The following ADAMTS16 variants were observed in gnomAD, a reference collection of about 807,000 sequenced individuals.
ADAMTS16 encodes A disintegrin and metalloproteinase with thrombospondin motifs 16.
ADAMTS16 carries 94 observed loss-of-function variants against 145.8 expected under a neutral mutation model. That is an observed-to-expected ratio of 0.64 (90% confidence interval 0.55 to 0.77). ADAMTS16 has a LOEUF of 0.77. Among genes scored for constraint, ADAMTS16 ranks in the 30% least tolerant of loss-of-function variants. The pLI is 0.00. For missense variants in ADAMTS16, 1,585 were observed against 1,591.5 expected (o/e 1.00, Z 0.07); for synonymous variants, 659 against 604.3 (o/e 1.09, Z -1.33).
intron 18 of ADAMTS16, among the ~76,000 whole-genome samples, chr5:5,300,935 T>C (rs1260640475): frequency 1.3e-5 from 2 of 152,254 alleles, no homozygotes; most frequent in Non-Finnish European, 2.9e-5. Context: ...TTTTTGATTG[T>C]ATTTTCTTAC....
intron 3 of ADAMTS16, among the ~76,000 whole-genome samples, chr5:5,172,638 T>C (rs1735072367): frequency 6.6e-6 from 1 of 152,188 alleles, no homozygotes; most frequent in Non-Finnish European, 1.5e-5. Flanking sequence ...TAAAATTTTT[T>C]AAGACTTTTT....
intron 13 of ADAMTS16, 21 bp from the exon 14 acceptor site, chr5:5,236,946 TTG>T (rs752148615): frequency 2.5e-6 from 4 of 1,596,482 alleles, no homozygotes; most frequent in East Asian, 4.5e-5. Context: ...TTATTTGTGT[TTG>T]TGTGTGTATT....
chr5:5,215,227 C>A (rs1306404571), intron 10 of ADAMTS16, among the ~76,000 whole-genome samples: 2 of 152,076 alleles, frequency 1.3e-5, no homozygotes, highest in African/African-American at 2.4e-5. Context: ...ATGACAATGG[C>A]TTTTTCTGTC....
chr5:5,180,202 G>A (rs1200570397), intron 3 of ADAMTS16, among the ~76,000 whole-genome samples: 1 of 152,048 alleles, frequency 6.6e-6, no homozygotes. Context: ...CAGCAGCTGA[G>A]AATACCTAGT....
intron 18 of ADAMTS16, among the ~76,000 whole-genome samples, chr5:5,286,383 T>C (rs1457183546): frequency 6.6e-6 from 1 of 152,208 alleles, no homozygotes; most frequent in Non-Finnish European, 1.5e-5. Flanking sequence ...TCTGGACCAA[T>C]GTTTTTAAGA....
At chr5:5,177,921 G>A (rs1735243663) in intron 3 of ADAMTS16, among the ~76,000 whole-genome samples, 1 of 152,188 alleles carries the variant, frequency 6.6e-6, no homozygotes, top group Non-Finnish European at 1.5e-5. Flanking sequence ...CTGGGAGTCT[G>A]TCTCATTGCT....
Position 5,190,046 on chromosome 5 carries a change from A to C in ADAMTS16, c.1123A>C (p.Lys375Gln). ...CCAGTGGCAGTCTGGATTGATGGGGAAAGATGGGACTCGTCATGACCACGC... is the reference window on the plus strand; with the variant it reads ...CCAGTGGCAGTCTGGATTGATGGGGCAAGATGGGACTCGTCATGACCACGC... ...FCQWQSGLMG[K>Q]DGTRHDHAIL... The change falls in exon 7 of 23, where the codon AAA (lysine) becomes CAA (glutamine). Residue 375 changes from lysine to glutamine, a missense_variant. Around this residue, in one of 3 missense-constraint regions of ADAMTS16, gnomAD observed 298 missense variants for 367.6 expected, o/e 0.81. Coordinates refer to ENST00000274181, the MANE Select transcript of ADAMTS16 (RefSeq NM_139056.4). 1 of 1,613,284 alleles carries C rather than the reference A, an allele frequency of 6.2e-7. No individual in the cohort carries two copies.
intron 9 of ADAMTS16, 39 bp from the exon 10 acceptor site, chr5:5,209,054 A>G: frequency 5.0e-6 from 8 of 1,595,872 alleles, no homozygotes; most frequent in Non-Finnish European, 6.8e-6. Flanking sequence ...TGGTTACTCT[A>G]CGGGCAGTTA....
intron 4 of ADAMTS16, 71 bp from the exon 5 acceptor site, chr5:5,185,981 T>C: frequency 7.3e-7 from 1 of 1,362,488 alleles, no homozygotes; most frequent in Non-Finnish European, 1.0e-6. Context: ...CAAATTTCTC[T>C]ATGACGAGTT....
intron 20 of ADAMTS16, 66 bp downstream of exon 20, chr5:5,303,832 C>T (rs1739905092): frequency 1.9e-6 from 3 of 1,540,262 alleles, no homozygotes; most frequent in Non-Finnish European, 2.7e-6. Flanking sequence ...CTCTTCTCTC[C>T]TGGTTTTTCT....
chr5:5,226,005 T>C (rs1220365374), intron 11 of ADAMTS16, among the ~76,000 whole-genome samples: 1 of 152,132 alleles, frequency 6.6e-6, no homozygotes, highest in East Asian at 1.9e-4. Context: ...AACTTCCTTG[T>C]GAGTAATTTG....
At chr5:5,186,293 C>T in intron 5 of ADAMTS16, 42 bp downstream of exon 5, 1 of 1,503,774 alleles carries the variant, frequency 6.6e-7, no homozygotes, top group African/African-American at 1.7e-5. Context: ...TGTCATTGCA[C>T]TTCGTAGGGT....
Position 5,140,371 on chromosome 5 carries a change from C to G in ADAMTS16, c.-97C>G. 1 of 1,242,652 alleles carries G rather than the reference C, an allele frequency of 8.0e-7. No homozygotes were observed. 77.0% of individuals were successfully genotyped at this position (1,242,652 alleles called of 1,614,324 possible). A position where few individuals can be genotyped will look rare whatever the true frequency, so the allele number is the denominator to read the frequency against. On this transcript the variant is annotated 5_prime_UTR_variant, in exon 1 of 23. It adds an upstream start codon to the 5' untranslated region. Coordinates refer to ENST00000274181, the MANE Select transcript of ADAMTS16 (RefSeq NM_139056.4). ...CGGCGGCGGAGTCGCTGTGGGGAAT[C>G]CTCCCGCGCTCTGCCTGGGTCGGGT...
intron 9 of ADAMTS16, among the ~76,000 whole-genome samples, chr5:5,204,896 A>G (rs1485460387): frequency 1.3e-5 from 2 of 152,188 alleles, no homozygotes; most frequent in Admixed American, 6.5e-5. Flanking sequence ...GAAACTTTCA[A>G]AATGGTTTCA....
intron 3 of ADAMTS16, among the ~76,000 whole-genome samples, chr5:5,174,928 G>T (rs1022969927): frequency 8.5e-5 from 13 of 152,182 alleles, no homozygotes; most frequent in African/African-American, 3.1e-4. Flanking sequence ...ACCCTTCAGG[G>T]CAGTAGGCTC....
intron 9 of ADAMTS16, among the ~76,000 whole-genome samples, chr5:5,208,659 T>C (rs939438423): frequency 6.6e-6 from 1 of 152,152 alleles, no homozygotes; most frequent in African/African-American, 2.4e-5. Flanking sequence ...GGAAAAAGAA[T>C]GAAAAGCAAA....
rs539325493 is a variant in ADAMTS16 at position 5,267,932 on chromosome 5, G to A, written c.2789+5149G>A. ...ATCCCAATGGATGAGAATCGTGCCT[G>A]GCTCACGTGGGACCTTAATAGGTGT... On this transcript the variant is annotated intron_variant, in intron 18 of 22. Coordinates refer to ENST00000274181, the MANE Select transcript of ADAMTS16 (RefSeq NM_139056.4). Among the ~76,000 whole-genome samples the A allele has an allele frequency of 2.0e-5, 3 of 152,282 alleles. No homozygotes were observed. In the South Asian group the frequency reaches 6.2e-4, roughly 32 times the overall value.
intron 3 of ADAMTS16, among the ~76,000 whole-genome samples, 162 bp from the exon 4 acceptor site, chr5:5,181,882 A>G (rs1244211256): frequency 6.6e-6 from 1 of 152,168 alleles, no homozygotes; most frequent in Non-Finnish European, 1.5e-5. Flanking sequence ...TCCCATTGCT[A>G]ATTCTCAGCC....
At chr5:5,275,864 ATTTT>A (rs35268868) in intron 18 of ADAMTS16, among the ~76,000 whole-genome samples, 1 of 148,762 alleles carries the variant, frequency 6.7e-6, no homozygotes. Context: ...TGAAGAATCT[ATTTT>A]TTTTTTTTTT....
Sources: allele counts gnomAD v4.1 joint callset (sites outside exome capture counted in the v4.1 genomes callset), GRCh38; gene constraint gnomAD v4.1.1; regional missense constraint gnomAD v4.1.1; transcripts MANE v1.5; gene names NCBI Gene and HGNC (gene_info 2026-07-23, HGNC 2026-07-21).